The following GLIS3 variants were observed in gnomAD, a reference collection of about 807,000 sequenced individuals.
The protein encoded by GLIS3 is GLIS family zinc finger 3.
Under a neutral mutation model 78.6 loss-of-function variants are expected in GLIS3, and 53 were observed. The ratio of observed to expected loss-of-function variants is 0.67; its 90% CI spans 0.54 to 0.85. GLIS3 has a LOEUF of 0.85. GLIS3 is among the 40% of genes least tolerant of loss of function. The probability of loss-of-function intolerance (pLI) is 0.00; values close to 1 mark genes in which losing one functional copy is unlikely to be tolerated. For missense variants in GLIS3, 1,703 were observed against 1,231.1 expected (o/e 1.38, Z -5.74); for synonymous variants, 684 against 509.9 (o/e 1.34, Z -4.60).
intron 4 of GLIS3, among the ~76,000 whole-genome samples, chr9:4,031,808 A>G (rs1007833881): frequency 3.9e-5 from 6 of 152,216 alleles, no homozygotes; most frequent in African/African-American, 1.2e-4. Flanking sequence ...AATTGTTCCA[A>G]TGGTTCTAGT....
At position 3,968,911 on chromosome 9, in the gene GLIS3, A is replaced by G. The variant is rs1473162905; in HGVS notation, c.1711-31722T>C. ...CTGTCTGGGTAAAGATCTAACTATAAGTGAGTGAGCAAATTTAAATATGAC... is the reference window on the plus strand; with the variant it reads ...CTGTCTGGGTAAAGATCTAACTATAGGTGAGTGAGCAAATTTAAATATGAC... On this transcript the variant is annotated intron_variant, in intron 4 of 10. Transcript: ENST00000381971. 4.1e-4 allele frequency among the ~76,000 whole-genome samples: 63 copies of G among 152,344 alleles called. 1 individual carries two copies. Among genetic ancestry groups the G allele is most frequent in the Admixed American group, 4.1e-3 (62 of 15,298 alleles).
chr9:4,387,149 T>C, the GLIS3 span, among the ~76,000 whole-genome samples: 9 of 152,214 alleles, frequency 5.9e-5, no homozygotes, highest in Non-Finnish European at 8.8e-5. Flanking sequence ...ATGTTTGTTA[T>C]AGAGATGTGC....
At position 4,059,829 on chromosome 9, in the gene GLIS3, T is replaced by TGTGTGTGTGTGTGTGTGTGAGAGA; in HGVS notation, c.1710+57938_1710+57939insTCTCTCACACACACACACACACAC. On this transcript the variant is annotated intron_variant, in intron 4 of 10. Coordinates refer to ENST00000381971, the MANE Select transcript of GLIS3 (RefSeq NM_001042413.2). Reference sequence around the variant, plus strand: ...TTGTGTGTGTGTGTGTGTGTGTGTGTGAGAGAGAGAGAGAGAGAGAGAGAG... The same window carrying TGTGTGTGTGTGTGTGTGTGAGAGA: ...TTGTGTGTGTGTGTGTGTGTGTGTGTGTGTGTGTGTGTGTGTGTGAGAGAGAGAGAGAGAGAGAGAGAGAGAGAG... 1.6e-3 allele frequency among the ~76,000 whole-genome samples: 164 copies of TGTGTGTGTGTGTGTGTGTGAGAGA among 100,680 alleles called. 2 individuals are homozygous for TGTGTGTGTGTGTGTGTGTGAGAGA. The highest frequency in any genetic ancestry group is 6.3e-3 in the Middle Eastern group (1 of 158). 66.0% of individuals were successfully genotyped at this position (100,680 alleles called of 152,430 possible). A position where few individuals can be genotyped will look rare whatever the true frequency, so the allele number is the denominator to read the frequency against.
chr9:4,039,676 G>C (rs763365933), intron 4 of GLIS3, among the ~76,000 whole-genome samples: 31 of 152,300 alleles, frequency 2.0e-4, no homozygotes, highest in African/African-American at 7.2e-4. Context: ...CTCCCAGCCA[G>C]TGCTCTTTCC....
intron 6 of GLIS3, among the ~76,000 whole-genome samples, chr9:3,920,541 G>A (rs918697458): frequency 2.0e-5 from 3 of 150,256 alleles, no homozygotes; most frequent in Non-Finnish European, 4.4e-5. Flanking sequence ...CTCCCTATGT[G>A]TCTGAGTCTT....
intron 2 of GLIS3, among the ~76,000 whole-genome samples, chr9:4,194,525 T>G (rs566976475): frequency 2.6e-5 from 4 of 152,320 alleles, no homozygotes; most frequent in Admixed American, 1.3e-4. Context: ...GTGAGAGGAT[T>G]TCAGCATGCC....
intron 2 of GLIS3, among the ~76,000 whole-genome samples, chr9:4,161,771 C>CA (rs1436839487): frequency 6.6e-5 from 10 of 151,206 alleles, no homozygotes; most frequent in Non-Finnish European, 2.9e-5. Flanking sequence ...CTCTGCCTCC[C>CA]AGGTTCCAAG....
chr9:3,855,881 G>A, intron 9 of GLIS3, 128 bp downstream of exon 9: 1 of 1,017,914 alleles, frequency 9.8e-7, no homozygotes, highest in South Asian at 1.3e-5. Flanking sequence ...AAATTTTAGA[G>A]GCAAGTCATG....
chr9:4,006,304 C>CAAA (rs71497513), intron 4 of GLIS3, among the ~76,000 whole-genome samples: 59 of 32,476 alleles, frequency 1.8e-3, no homozygotes, highest in Non-Finnish European at 2.1e-3. Flanking sequence ...TCATATGTCT[C>CAAA]AAAAAAAAAA....
intron 4 of GLIS3, among the ~76,000 whole-genome samples, chr9:3,943,449 C>G (rs1445339): frequency 6.6e-6 from 1 of 152,024 alleles, no homozygotes; most frequent in Admixed American, 6.5e-5. Flanking sequence ...TAACAGGGCA[C>G]TGAACTCAGG....
chr9:4,346,334 ACAAAGCTTCATTTGACAGT>A (rs1817896505), intron 2 of GLIS3, among the ~76,000 whole-genome samples: 3 of 152,170 alleles, frequency 2.0e-5, no homozygotes, highest in South Asian at 2.1e-4. Flanking sequence ...TACAATACAT[ACAAAGCTTCATTTGACAGT>A]CAAAGCAGAG....
At chr9:4,033,592 C>T (rs891229904) in intron 4 of GLIS3, among the ~76,000 whole-genome samples, 12 of 152,142 alleles carry the variant, frequency 7.9e-5, no homozygotes, top group African/African-American at 2.9e-4. Flanking sequence ...GGAGCATGGA[C>T]TTCCCCTTGG....
chr9:4,270,207 G>A (rs943009290), intron 2 of GLIS3, among the ~76,000 whole-genome samples: 1 of 152,206 alleles, frequency 6.6e-6, no homozygotes, highest in East Asian at 1.9e-4. Flanking sequence ...CATGTCTGGT[G>A]TATCACAGGC....
At chr9:3,947,335 CAT>C (rs1816372308) in intron 4 of GLIS3, among the ~76,000 whole-genome samples, 1 of 152,228 alleles carries the variant, frequency 6.6e-6, no homozygotes, top group African/African-American at 2.4e-5. Context: ...TGAATTCTGT[CAT>C]CTCTTGACTG....
intron 2 of GLIS3, among the ~76,000 whole-genome samples, chr9:4,190,662 G>C (rs901629776): frequency 6.6e-6 from 1 of 152,026 alleles, no homozygotes; most frequent in Non-Finnish European, 1.5e-5. Flanking sequence ...CCAACATTCA[G>C]ATTCAGGAAG....
chr9:4,370,232 A>T, the GLIS3 span, among the ~76,000 whole-genome samples: 1 of 151,556 alleles, frequency 6.6e-6, no homozygotes, highest in Non-Finnish European at 1.5e-5. Flanking sequence ...CAATATAACC[A>T]AAAGTTCAAA....
chr9:4,487,999 AG>A, the GLIS3 span, among the ~76,000 whole-genome samples: 1 of 152,190 alleles, frequency 6.6e-6, no homozygotes. Flanking sequence ...GCTCTATGGT[AG>A]ACACTTTGGA....
chr9:4,225,271 G>C (rs1469401973), intron 2 of GLIS3, among the ~76,000 whole-genome samples: 3 of 152,064 alleles, frequency 2.0e-5, no homozygotes, highest in African/African-American at 7.2e-5. Context: ...TTTTGGCCTA[G>C]GACCTGTGAC....
At chr9:3,860,023 C>G (rs561384457) in intron 8 of GLIS3, among the ~76,000 whole-genome samples, 54 of 151,856 alleles carry the variant, frequency 3.6e-4, no homozygotes, top group Non-Finnish European at 4.4e-5. Flanking sequence ...CGCCTGTAAT[C>G]CCAGCACTTT....
Sources: allele counts gnomAD v4.1 joint callset (sites outside exome capture counted in the v4.1 genomes callset), GRCh38; gene constraint gnomAD v4.1.1; transcripts MANE v1.5; gene names NCBI Gene and HGNC (gene_info 2026-07-23, HGNC 2026-07-21).